SLC12A7: variants seen among roughly 807,000 people sequenced by gnomAD.
SLC12A7 encodes the protein solute carrier family 12 member 7.
A neutral mutation model predicts 120.6 loss-of-function variants in SLC12A7; 100 were observed. The ratio of observed to expected loss-of-function variants is 0.83; its 90% CI spans 0.71 to 0.98. The LOEUF (loss-of-function observed/expected upper bound fraction) is 0.98, where lower values mean the gene tolerates loss of function less well. Among genes scored for constraint, SLC12A7 ranks in the 50% least tolerant of loss-of-function variants. The pLI, the probability that SLC12A7 is intolerant of heterozygous loss-of-function variation, is 0.00. For missense variants in SLC12A7, 1,373 were observed against 1,548.1 expected (o/e 0.89, Z 1.90); for synonymous variants, 760 against 678.0 (o/e 1.12, Z -1.88).
intron 1 of SLC12A7, among the ~76,000 whole-genome samples, chr5:1,101,521 C>G (rs534716288): frequency 6.6e-6 from 1 of 152,364 alleles, no homozygotes; most frequent in Non-Finnish European, 1.5e-5. Flanking sequence ...ACCAGCAACA[C>G]CAGGCTGACC....
Position 1,050,503 on chromosome 5 carries a change from G to A in SLC12A7, c.*1857C>T, listed in dbSNP as rs979084492. 3 of 227,606 alleles carry A rather than the reference G, an allele frequency of 1.3e-5. No homozygotes were observed. The highest frequency in any genetic ancestry group is 1.7e-5 in the Non-Finnish European group (2 of 117,834). 14.1% of individuals were successfully genotyped at this position (227,606 alleles called of 1,614,324 possible). ...GGTTACACGGAGTTGACAACACAAA[G>A]GATGCCTGGTGCTTGCGTGCAGAGG... On this transcript the variant is annotated 3_prime_UTR_variant, in exon 24 of 24. Transcript: ENST00000264930.
chr5:1,153,767 G>A, the SLC12A7 span, among the ~76,000 whole-genome samples: 1 of 152,230 alleles, frequency 6.6e-6, no homozygotes, highest in Non-Finnish European at 1.5e-5. Flanking sequence ...CCTCCACAGA[G>A]AAAATCAAGA....
chr5:1,094,504 G>A (rs1264805984), intron 1 of SLC12A7, among the ~76,000 whole-genome samples: 2 of 152,152 alleles, frequency 1.3e-5, no homozygotes, highest in Non-Finnish European at 2.9e-5. Context: ...CAGAACACAA[G>A]CTATCCCTAG....
rs1350415878 is a variant in SLC12A7 at position 1,079,397 on chromosome 5, C to A, written c.1396+1G>T. 6.2e-7 allele frequency: 1 copy of A among 1,611,154 alleles called. No individual in the cohort carries two copies. The highest frequency in any genetic ancestry group is 1.3e-5 in the African/African-American group (1 of 74,900). The stretch of plus-strand genomic sequence containing the variant: ...CCTCGCCTGCACCCCTCCAAGGATA[C>A]AGATGAAAGACGTCGTCACTATGGC... On this transcript the variant is annotated splice_donor_variant, in intron 10 of 23. Coordinates refer to ENST00000264930, the MANE Select transcript of SLC12A7 (RefSeq NM_006598.3). LOFTEE classifies it high-confidence loss of function.
At chr5:1,073,902 T>TGGGACGGGAGATACATGACAGGC in intron 16 of SLC12A7, 101 bp from the exon 17 acceptor site, 2 of 1,165,674 alleles carry the variant, frequency 1.7e-6, no homozygotes, top group South Asian at 6.6e-5. Flanking sequence ...ACGACACAGG[T>TGGGACGGGAGATACATGACAGGC]GGGACGGGAG....
At chr5:1,062,375 C>T (rs1026026788) in intron 20 of SLC12A7, among the ~76,000 whole-genome samples, 1 of 152,216 alleles carries the variant, frequency 6.6e-6, no homozygotes, top group African/African-American at 2.4e-5. Flanking sequence ...ACCCGCAAAG[C>T]CTCGTCCAAA....
chr5:1,067,010 A>G (rs1737125780), intron 17 of SLC12A7, among the ~76,000 whole-genome samples: 1 of 151,900 alleles, frequency 6.6e-6, no homozygotes. Flanking sequence ...CCTGACTGGT[A>G]TCCTCACCCC....
At chr5:1,108,097 CGT>C (rs1378204033) in intron 1 of SLC12A7, among the ~76,000 whole-genome samples, 1 of 152,210 alleles carries the variant, frequency 6.6e-6, no homozygotes, top group African/African-American at 2.4e-5. Flanking sequence ...TGTATGCACA[CGT>C]GTGTACATAT....
upstream of SLC12A7, among the ~76,000 whole-genome samples, chr5:1,113,089 A>G (rs1402174242): frequency 3.3e-5 from 5 of 152,152 alleles, no homozygotes; most frequent in African/African-American, 1.2e-4. Context: ...TTCTCAACAA[A>G]TGACTCATGA....
In SLC12A7 at chr5:1,050,988, G is replaced by A. The variant is rs997494660; in HGVS notation, c.*1372C>T. The A allele has an allele frequency of 2.0e-5, 8 of 398,506 alleles. No individual in the cohort carries two copies. Among genetic ancestry groups the A allele is most frequent in the Non-Finnish European group, 2.7e-5 (6 of 226,062 alleles). The allele number at this position is 398,506 out of a possible 1,614,324, so 24.7% of individuals were successfully genotyped here. ...AAGGCCTGGCCATCTGGGGCCTCTAGTATATAGAAGCAACCTCTTTATGGA... is the reference window on the plus strand; with the variant it reads ...AAGGCCTGGCCATCTGGGGCCTCTAATATATAGAAGCAACCTCTTTATGGA... On this transcript the variant is annotated 3_prime_UTR_variant, in exon 24 of 24. Transcript: ENST00000264930.
intron 8 of SLC12A7, 50 bp from the exon 9 acceptor site, chr5:1,081,794 C>T: frequency 1.3e-6 from 2 of 1,572,880 alleles, no homozygotes; most frequent in South Asian, 2.3e-5. Flanking sequence ...CTGTGCAGTG[C>T]CCCCGCCATG....
intron 9 of SLC12A7, among the ~76,000 whole-genome samples, chr5:1,080,993 GAGACAGAGAGAGAGACAGACAGAC>G (rs375044424): frequency 0.025 from 3,160 of 127,840 alleles, 109 homozygotes; most frequent in African/African-American, 0.075. Flanking sequence ...TACAGAGAGA[GAGACAGAGAGAGAGACAGACAGAC>G]AGACAGAGAG....
At chr5:1,076,072 C>T in intron 14 of SLC12A7, 66 bp downstream of exon 14, 2 of 1,370,694 alleles carry the variant, frequency 1.5e-6, no homozygotes, top group Non-Finnish European at 2.0e-6. Flanking sequence ...AGCGGCCTCA[C>T]CAGTGGCAGA....
the SLC12A7 span, among the ~76,000 whole-genome samples, chr5:1,124,922 G>A: frequency 3.9e-5 from 6 of 152,306 alleles, no homozygotes; most frequent in East Asian, 1.2e-3. Flanking sequence ...AAAATCCAGA[G>A]AACTGGAGGA....
intron 1 of SLC12A7, among the ~76,000 whole-genome samples, chr5:1,102,906 T>C (rs1742155114): frequency 6.6e-6 from 1 of 151,600 alleles, no homozygotes; most frequent in Non-Finnish European, 1.5e-5. Context: ...GGAGGCTGAG[T>C]TCCCTGTGAA....
At chr5:1,089,249 G>C in intron 3 of SLC12A7, 121 bp from the exon 4 acceptor site, 1 of 1,056,876 alleles carries the variant, frequency 9.5e-7, no homozygotes, top group Non-Finnish European at 1.4e-6. Context: ...GGGGGCAGGA[G>C]TCCTTCCCAG....
At position 1,073,682 on chromosome 5, in the gene SLC12A7, A is replaced by T; in HGVS notation, c.2192T>A (p.Leu731Gln). 1 of 1,599,646 alleles carries T rather than the reference A, an allele frequency of 6.3e-7. No individual in the cohort carries two copies. Among genetic ancestry groups the T allele is most frequent in the Non-Finnish European group, 8.5e-7 (1 of 1,173,368 alleles). Residue 731 changes from leucine to glutamine, a missense_variant, in exon 17 of 24, where the codon CTG becomes CAG. Coordinates refer to ENST00000264930, the MANE Select transcript of SLC12A7 (RefSeq NM_006598.3). ...GKGLTIVGSV[L>Q]EGTYLDKHME... ...GTGCTTGTCCAGGTACGTCCCCTCC[A>T]GCACCGAGCCCACGATGGTCAGGCC... is the stretch of plus-strand genomic sequence containing the variant.
chr5:1,121,413 C>T, the SLC12A7 span, among the ~76,000 whole-genome samples: 3 of 152,216 alleles, frequency 2.0e-5, no homozygotes, highest in Non-Finnish European at 2.9e-5. Flanking sequence ...CCGACATCAG[C>T]GCCCGTGTGC....
the SLC12A7 span, among the ~76,000 whole-genome samples, chr5:1,140,441 G>A: frequency 4.6e-5 from 7 of 152,226 alleles, no homozygotes; most frequent in Admixed American, 3.9e-4. Context: ...GAGGAAACAG[G>A]TGCAGCTCCA....
Sources: gnomAD v4.1 joint callset for allele counts (sites outside exome capture counted in the v4.1 genomes callset) on GRCh38, gnomAD v4.1.1 for gene constraint, MANE v1.5 for transcripts, NCBI Gene and HGNC (gene_info 2026-07-23, HGNC 2026-07-21) for gene names.